The following MSL3 variants were observed in gnomAD, a reference collection of about 807,000 sequenced individuals.
The protein encoded by MSL3 is MSL complex subunit 3.
In MSL3, 5 loss-of-function variants were observed where a neutral mutation model predicts 37.2. The ratio of observed to expected loss-of-function variants is 0.13; its 90% CI spans 0.07 to 0.28. The LOEUF is 0.28. Among genes scored for constraint, MSL3 ranks in the 10% least tolerant of loss-of-function variants. The pLI is 1.00. For missense variants in MSL3, 315 were observed against 408.5 expected (o/e 0.77, Z 1.97); for synonymous variants, 149 against 147.6 (o/e 1.01, Z -0.07).
At chrX:11,760,256 G>T in intron 2 of MSL3, 147 bp from the exon 3 acceptor site, 1 of 414,343 alleles carries the variant, frequency 2.4e-6, no homozygotes, top group Non-Finnish European at 4.1e-6. Context: ...TACTTTTTCA[G>T]TTTATTTGCC....
At chrX:11,766,332 A>G (rs952689707) in intron 9 of MSL3, 46 of 751,478 alleles carry the variant, frequency 6.1e-5, no homozygotes, top group Middle Eastern at 7.6e-4. Flanking sequence ...GCTGTAATAT[A>G]AAACTTAGAA....
At chrX:11,758,223 T>G, upstream of MSL3, 4 of 421,842 alleles carry the variant, frequency 9.5e-6, no homozygotes, top group East Asian at 2.3e-4. Context: ...CCGCGCGCGC[T>G]CCGCCCGCCC....
rs751764724 is a variant in MSL3 at position 11,774,495 on chromosome X, G to T, written c.1467-485G>T. ...CCACCACGCCCAGCTAATTTTTTGT[G>T]TTTTTAGTAGAGACGGGGTTTCACT... On this transcript the variant is annotated intron_variant, in intron 12 of 12. Coordinates refer to ENST00000312196, the MANE Select transcript of MSL3 (RefSeq NM_078629.4). Among the ~76,000 whole-genome samples the T allele has an allele frequency of 2.7e-5, 3 of 110,275 alleles. No homozygotes were observed. In the South Asian group the frequency reaches 1.2e-3, roughly 43 times the overall value.
chrX:11,758,414 A>G, intron 1 of MSL3, 49 bp downstream of exon 1: 1 of 648,971 alleles, frequency 1.5e-6, no homozygotes, highest in Non-Finnish European at 2.2e-6. Flanking sequence ...GGGACCCGGG[A>G]CCGGGGGCGG....
intron 10 of MSL3, among the ~76,000 whole-genome samples, chrX:11,770,829 A>G (rs1027991176): frequency 4.4e-5 from 5 of 112,610 alleles, no homozygotes; most frequent in Non-Finnish European, 9.4e-5. Flanking sequence ...CTGCTTTTGT[A>G]CGTGCCAAGT....
At chrX:11,772,581 C>A in intron 11 of MSL3, 40 bp from the exon 12 acceptor site, 2 of 963,085 alleles carry the variant, frequency 2.1e-6, no homozygotes, top group Non-Finnish European at 3.0e-6. Context: ...TTGTCAGATT[C>A]TGCTAATTGT....
rs980380191 is a variant in MSL3 at position 11,760,563 on chromosome X, T to C, written c.281+65T>C. 17 of 815,415 alleles carry C rather than the reference T, an allele frequency of 2.1e-5. No individual in the cohort carries two copies. In the African/African-American group the frequency reaches 3.6e-4, roughly 17 times the overall value. The allele number at this position is 815,415 out of a possible 1,213,427, so 67.2% of individuals were successfully genotyped here. A position where few individuals can be genotyped will look rare whatever the true frequency, so the allele number is the denominator to read the frequency against. On this transcript the variant is annotated intron_variant, in intron 3 of 12. Coordinates refer to ENST00000312196, the MANE Select transcript of MSL3 (RefSeq NM_078629.4). Reference sequence around the variant, plus strand: ...TGTTTTCTCTTAGTGTTTTAGATTTTTATGATATAAAAGTAATACAATGAC... The same window carrying C: ...TGTTTTCTCTTAGTGTTTTAGATTTCTATGATATAAAAGTAATACAATGAC...
At chrX:11,764,312 G>A (rs1261612379) in intron 8 of MSL3, 4 of 124,322 alleles carry the variant, frequency 3.2e-5, no homozygotes, top group Non-Finnish European at 4.8e-5. Context: ...AGGTTTCTTA[G>A]GAGCCTCCTT....
At chrX:11,773,556 C>A in intron 12 of MSL3, among the ~76,000 whole-genome samples, 1 of 111,888 alleles carries the variant, frequency 8.9e-6, no homozygotes, top group East Asian at 2.8e-4. Flanking sequence ...AATTAGACTT[C>A]ACAACATTTT....
chrX:11,758,447 G>C, intron 1 of MSL3, 82 bp downstream of exon 1: 1 of 916,359 alleles, frequency 1.1e-6, no homozygotes, highest in Non-Finnish European at 1.4e-6. Context: ...ACGGCCGCGC[G>C]GAGCTGAGGG....
intron 4 of MSL3, chrX:11,761,168 A>G (rs1345157836): frequency 7.8e-6 from 3 of 385,849 alleles, no homozygotes; most frequent in Non-Finnish European, 1.3e-5. Context: ...TCTTTGTACA[A>G]ACCCCTCATG....
rs2053236365 is a variant in MSL3 at position 11,772,006 on chromosome X, C to T, written c.1282-150C>T. The stretch of plus-strand genomic sequence containing the variant: ...CTTGATCTATTTTAAGTGTTTTTGC[C>T]TTTCATCTTTGTTTTTTGTAAGCTT... On this transcript the variant is annotated intron_variant, in intron 10 of 12. Coordinates refer to ENST00000312196, the MANE Select transcript of MSL3 (RefSeq NM_078629.4). The T allele has an allele frequency of 9.0e-6, 4 of 444,778 alleles. No individual in the cohort carries two copies. The Middle Eastern group carries it at 1.2e-3, about 129-fold the overall frequency. 36.7% of individuals were successfully genotyped at this position (444,778 alleles called of 1,213,427 possible).
intron 5 of MSL3, among the ~76,000 whole-genome samples, 177 bp downstream of exon 5, chrX:11,761,759 T>C (rs1188377806): frequency 8.9e-6 from 1 of 112,274 alleles, no homozygotes; most frequent in Non-Finnish European, 1.9e-5. Flanking sequence ...GCCGTATGAG[T>C]CTCTCAGTGG....
intron 10 of MSL3, among the ~76,000 whole-genome samples, chrX:11,770,315 C>A (rs1025581663): frequency 1.8e-5 from 2 of 111,710 alleles, no homozygotes; most frequent in African/African-American, 6.5e-5. Flanking sequence ...CTAGTTCAAG[C>A]AGTCCCTGAC....
chrX:11,763,234 A>G lies in MSL3; in HGVS notation c.749+237A>G, dbSNP rs145174012. 8.5e-4 allele frequency among the ~76,000 whole-genome samples: 96 copies of G among 113,411 alleles called. 1 individual carries two copies. In the East Asian group the frequency reaches 0.023, roughly 27 times the overall value. On this transcript the variant is annotated intron_variant, in intron 7 of 12. Coordinates refer to ENST00000312196, the MANE Select transcript of MSL3 (RefSeq NM_078629.4). Reference sequence around the variant, plus strand: ...GGATGCATTGAAAGTGCACTGCCTCAGCACTGAGACAGTTTTTTCAGTGAT... The same window carrying G: ...GGATGCATTGAAAGTGCACTGCCTCGGCACTGAGACAGTTTTTTCAGTGAT...
chrX:11,774,845 G>A (rs987264658), intron 12 of MSL3, 135 bp from the exon 13 acceptor site: 1 of 468,060 alleles, frequency 2.1e-6, no homozygotes, highest in African/African-American at 2.5e-5. Flanking sequence ...AGTATAGAGA[G>A]ATCAAAATTA....
At chrX:11,770,889 A>G (rs956168042) in intron 10 of MSL3, among the ~76,000 whole-genome samples, 2 of 112,283 alleles carry the variant, frequency 1.8e-5, no homozygotes, top group African/African-American at 6.5e-5. Flanking sequence ...CCTTTGAGTC[A>G]CTTTCAGAAT....
At chrX:11,765,858 C>T (rs771188663) in intron 9 of MSL3, 129 bp downstream of exon 9, 17 of 1,116,289 alleles carry the variant, frequency 1.5e-5, no homozygotes, top group African/African-American at 9.1e-5. Flanking sequence ...GTCCAAAGTG[C>T]TGTCATGCTG....
At chrX:11,772,453 C>T (rs1034272854) in intron 11 of MSL3, among the ~76,000 whole-genome samples, 168 bp from the exon 12 acceptor site, 1 of 112,270 alleles carries the variant, frequency 8.9e-6, no homozygotes. Flanking sequence ...AATATTTGTA[C>T]TGCTACTCTG....
Sources: gnomAD v4.1 joint callset for allele counts (sites outside exome capture counted in the v4.1 genomes callset) on GRCh38, gnomAD v4.1.1 for gene constraint, MANE v1.5 for transcripts, NCBI Gene and HGNC (gene_info 2026-07-23, HGNC 2026-07-21) for gene names.